The following PARP8 variants were observed in gnomAD, a reference collection of about 807,000 sequenced individuals.
The protein encoded by PARP8 is protein mono-ADP-ribosyltransferase PARP8.
Under a neutral mutation model 124.1 loss-of-function variants are expected in PARP8, and 51 were observed. The observed-to-expected ratio is 0.41, with a 90% CI of 0.33 to 0.52. The LOEUF is 0.52. Among genes scored for constraint, PARP8 ranks in the 20% least tolerant of loss-of-function variants. The pLI, the probability that PARP8 is intolerant of heterozygous loss-of-function variation, is 0.21. For synonymous variants in PARP8, 391 were observed against 361.5 expected, an observed-to-expected ratio of 1.08 and a Z score of -0.93; for missense variants, 860 against 1,018.9, an observed-to-expected ratio of 0.84 and a Z score of 2.12.
At chr5:50,690,756 T>G (rs1752406226) in intron 2 of PARP8, among the ~76,000 whole-genome samples, 1 of 152,184 alleles carries the variant, frequency 6.6e-6, no homozygotes, top group Non-Finnish European at 1.5e-5. Flanking sequence ...CTTAAATGCA[T>G]GATTTCCATC....
At chr5:50,704,401 T>C (rs1753915614) in intron 2 of PARP8, among the ~76,000 whole-genome samples, 1 of 152,190 alleles carries the variant, frequency 6.6e-6, no homozygotes. Context: ...GACCAAGATA[T>C]AATTACCTAA....
At position 50,722,735 on chromosome 5, in the gene PARP8, TG is replaced by T. The variant is rs1306132964; in HGVS notation, c.147-27415del. Among the ~76,000 whole-genome samples, 3 of 152,118 alleles carry T rather than the reference TG, an allele frequency of 2.0e-5. No homozygotes were observed. In the East Asian group the frequency reaches 5.8e-4, roughly 29 times the overall value. On this transcript the variant is annotated intron_variant, in intron 2 of 25. Transcript: ENST00000281631. ...CAGACATTTTGTTAAAATGTTCATG[TG>T]TGGATGTTATATGTGCTTAAAGATT...
intron 2 of PARP8, among the ~76,000 whole-genome samples, chr5:50,727,244 A>G (rs539142982): frequency 4.6e-5 from 7 of 152,210 alleles, no homozygotes; most frequent in Non-Finnish European, 8.8e-5. Flanking sequence ...TCCTTGTACT[A>G]AGAACTGCAG....
chr5:50,676,047 AAC>A (rs1750597276), intron 2 of PARP8, among the ~76,000 whole-genome samples: 2 of 152,252 alleles, frequency 1.3e-5, no homozygotes, highest in Non-Finnish European at 2.9e-5. Flanking sequence ...AACAATATAA[AAC>A]AGTTTTAATG....
chr5:50,789,019 T>A (rs1468845707), intron 10 of PARP8, among the ~76,000 whole-genome samples: 1 of 152,194 alleles, frequency 6.6e-6, no homozygotes, highest in Non-Finnish European at 1.5e-5. Context: ...AACGTGTACA[T>A]GACTTTCTCT....
Position 50,794,931 on chromosome 5 carries a change from G to C in PARP8, c.942G>C (p.Thr314=), listed in dbSNP as rs373600675. The C allele has an allele frequency of 3.7e-6, 6 of 1,614,152 alleles. No individual in the cohort carries two copies. The Admixed American group carries it at 8.3e-5, about 22-fold the overall frequency. Residue 314 remains threonine, a synonymous_variant, in exon 12 of 26, where the codon ACG becomes ACC. Transcript: ENST00000281631. The part of the protein sequence containing the change: ...LKSEQDGISK[T]HKLLRRTCSS... ...CTGAGCAGGACGGAATCTCCAAAAC[G>C]CATAAGCTGCTGCGGAGGACTTGTT...
chr5:50,815,411 T>C (rs1223176256), intron 14 of PARP8, 21 bp from the exon 15 acceptor site: 1 of 1,531,338 alleles, frequency 6.5e-7, no homozygotes, highest in Admixed American at 2.2e-5. Flanking sequence ...GTTTTGTGAT[T>C]GATTCCTTTT....
In PARP8 at chr5:50,797,176, T is replaced by C. The variant is rs773074594; in HGVS notation, c.1518T>C (p.Asn506=). The C allele has an allele frequency of 1.5e-5, 24 of 1,613,168 alleles. No homozygotes were observed. Among genetic ancestry groups the C allele is most frequent in the Admixed American group, 8.3e-5 (5 of 59,980 alleles). ...EFAEQRIPVL[N]EYCVVCDEPH... is the part of the protein sequence containing the mutation. The stretch of plus-strand genomic sequence containing the variant: ...CTGAACAGCGGATCCCTGTATTAAA[T>C]GAATATTGTGTGGTTTGTGATGAGC... The change falls in exon 14 of 26, where the codon AAT becomes AAC. Residue 506 remains asparagine, a synonymous_variant. Coordinates refer to ENST00000281631, the MANE Select transcript of PARP8 (RefSeq NM_024615.4).
intron 9 of PARP8, 148 bp downstream of exon 9, chr5:50,778,798 A>G (rs753442420): frequency 4.6e-6 from 2 of 435,910 alleles, no homozygotes; most frequent in Non-Finnish European, 8.2e-6. Flanking sequence ...TCTAAGAAAG[A>G]TGGTTTATTG....
rs748506179 is a variant in PARP8, at chr5:50,667,121, G to A, written c.26G>A (p.Arg9Gln). Reference sequence around the variant, plus strand: ...ATGGGGATGTGTTCAAGGCAAGAGCGAATTCAGAAGGATATCGACGTCGTG... The same window carrying A: ...ATGGGGATGTGTTCAAGGCAAGAGCAAATTCAGAAGGATATCGACGTCGTG... MGMCSRQERIQKDIDVVIQ... is the reference protein window; with the variant it reads MGMCSRQEQIQKDIDVVIQ... Residue 9 changes from arginine (R) to glutamine (Q), a missense_variant, in exon 1 of 26, where the codon CGA (arginine) becomes CAA (glutamine). By Grantham distance (43) the Arg-to-Gln change is conservative (BLOSUM62 1). Coordinates refer to ENST00000281631, the MANE Select transcript of PARP8 (RefSeq NM_024615.4). The A allele has an allele frequency of 5.4e-5, 86 of 1,596,254 alleles. No homozygotes were observed. Among genetic ancestry groups the A allele is most frequent in the Non-Finnish European group, 6.8e-5 (80 of 1,179,738 alleles).
rs1561331500 is a variant in PARP8 at position 50,754,146 on chromosome 5, T to TATATATATATATATATACATATAC, written c.184+3963_184+3964insTATATATATATACATATACATATA. 4.2e-3 allele frequency among the ~76,000 whole-genome samples: 90 copies of TATATATATATATATATACATATAC among 21,332 alleles called. 1 individual carries two copies. Among genetic ancestry groups the TATATATATATATATATACATATAC allele is most frequent in the African/African-American group, 0.011 (82 of 7,432 alleles). The allele number at this position is 21,332 out of a possible 152,430, so 14.0% of individuals were successfully genotyped here. On this transcript the variant is annotated intron_variant, in intron 3 of 25. Transcript: ENST00000281631. ...ATATATATATATATATATATATATA[T>TATATATATATATATATACATATAC]ATATACACACACACACACACACACA...
intron 15 of PARP8, among the ~76,000 whole-genome samples, chr5:50,818,828 G>A (rs116393796): frequency 0.01 from 1,536 of 152,174 alleles, 22 homozygotes; most frequent in African/African-American, 0.035. Context: ...ATAAAATCAC[G>A]GGCAGCTTAA....
intron 2 of PARP8, among the ~76,000 whole-genome samples, chr5:50,712,606 G>A (rs1158052378): frequency 6.6e-6 from 1 of 152,094 alleles, no homozygotes; most frequent in Non-Finnish European, 1.5e-5. Context: ...TGAGGACCAG[G>A]CTCTGCAGGC....
rs539570241 is a variant in PARP8 at position 50,667,644 on chromosome 5, C to T, written c.92-427C>T. The T allele has an allele frequency of 1.9e-4, 132 of 699,174 alleles. 1 individual carries two copies. Among genetic ancestry groups the T allele is most frequent in the Non-Finnish European group, 2.4e-4 (93 of 384,144 alleles). 43.3% of individuals were successfully genotyped at this position (699,174 alleles called of 1,614,324 possible). On this transcript the variant is annotated intron_variant, in intron 1 of 25. Coordinates refer to ENST00000281631, the MANE Select transcript of PARP8 (RefSeq NM_024615.4). ...CCGAGGACCCCCGGGGGGCAGCGCTCGGCCCATCTCCGGCCCCTTCGGCTC... is the reference window on the plus strand; with the variant it reads ...CCGAGGACCCCCGGGGGGCAGCGCTTGGCCCATCTCCGGCCCCTTCGGCTC...
At chr5:50,824,185 T>A (rs1580468660) in intron 17 of PARP8, among the ~76,000 whole-genome samples, 4 of 152,356 alleles carry the variant, frequency 2.6e-5, no homozygotes, top group African/African-American at 9.6e-5. Flanking sequence ...TGTAAAGGTC[T>A]ATACCTAAGT....
intron 15 of PARP8, among the ~76,000 whole-genome samples, chr5:50,819,427 CTTTTTTTTT>C (rs34347134): frequency 1.1e-4 from 5 of 46,650 alleles, no homozygotes; most frequent in Admixed American, 5.7e-4. Flanking sequence ...ATTTTATCTT[CTTTTTTTTT>C]TTTTTTTTTT....
intron 14 of PARP8, among the ~76,000 whole-genome samples, chr5:50,810,120 A>G (rs1744276051): frequency 6.6e-6 from 1 of 151,990 alleles, no homozygotes; most frequent in Non-Finnish European, 1.5e-5. Context: ...ATATATAAAT[A>G]CATTCCTCAT....
intron 2 of PARP8, among the ~76,000 whole-genome samples, chr5:50,691,705 A>G (rs1752515134): frequency 6.6e-6 from 1 of 152,050 alleles, no homozygotes; most frequent in South Asian, 2.1e-4. Flanking sequence ...TGTTCTGTGT[A>G]TCCACTGCCT....
chr5:50,754,062 G>C (rs574810334), intron 3 of PARP8, among the ~76,000 whole-genome samples: 1 of 139,032 alleles, frequency 7.2e-6, no homozygotes, highest in East Asian at 2.1e-4. Flanking sequence ...AAAAAAAAGA[G>C]CTTAGAAGTC....
Sources: allele counts gnomAD v4.1 joint callset (sites outside exome capture counted in the v4.1 genomes callset), GRCh38; gene constraint gnomAD v4.1.1; transcripts MANE v1.5; gene names NCBI Gene and HGNC (gene_info 2026-07-23, HGNC 2026-07-21).